Variants in GALNT16 observed in about 807,000 individuals in gnomAD.
GALNT16 encodes the protein polypeptide N-acetylgalactosaminyltransferase 16.
Under a neutral mutation model 76.1 loss-of-function variants are expected in GALNT16, and 40 were observed. That is an observed-to-expected ratio of 0.53 (90% CI 0.41 to 0.68). The LOEUF is 0.68. Among genes scored for constraint, GALNT16 ranks in the 30% least tolerant of loss-of-function variants. GALNT16 has a pLI of 0.00. For synonymous variants in GALNT16, 276 were observed against 285.2 expected (o/e 0.97, Z 0.32); for missense variants, 621 against 731.9 (o/e 0.85, Z 1.75).
At chr14:69,294,145 C>T (rs1321569845) in intron 1 of GALNT16, among the ~76,000 whole-genome samples, 1 of 151,842 alleles carries the variant, frequency 6.6e-6, no homozygotes, top group African/African-American at 2.4e-5. Flanking sequence ...GCCTTGGCCT[C>T]CCATCTCGCT....
intron 6 of GALNT16, among the ~76,000 whole-genome samples, chr14:69,331,188 A>G (rs1047978697): frequency 6.6e-6 from 1 of 152,230 alleles, no homozygotes; most frequent in South Asian, 2.1e-4. Flanking sequence ...GGAAGGCTTC[A>G]TGGAGTAGGT....
chr14:69,285,221 T>C (rs963890165), intron 1 of GALNT16, among the ~76,000 whole-genome samples: 3 of 152,060 alleles, frequency 2.0e-5, no homozygotes, highest in African/African-American at 7.2e-5. Context: ...TTTGTATTTT[T>C]AGTAGAGACG....
At chr14:69,312,312 A>G (rs189002471) in intron 1 of GALNT16, among the ~76,000 whole-genome samples, 1 of 152,270 alleles carries the variant, frequency 6.6e-6, no homozygotes, top group African/African-American at 2.4e-5. Flanking sequence ...CTGACTGTGA[A>G]ATACCTGAAG....
intron 1 of GALNT16, among the ~76,000 whole-genome samples, chr14:69,284,471 G>A (rs74059940): frequency 1.5e-3 from 235 of 152,302 alleles, no homozygotes; most frequent in African/African-American, 4.1e-3. Flanking sequence ...GCTTTTACAC[G>A]TGGCTGCTCA....
chr14:69,260,856 C>T (rs138063085), intron 1 of GALNT16, among the ~76,000 whole-genome samples: 2,579 of 152,096 alleles, frequency 0.017, 78 homozygotes, highest in African/African-American at 0.06. Context: ...CGGTGGGAAC[C>T]ACTCGCAGCC....
chr14:69,380,742 T>C, the GALNT16 span: 4 of 632,446 alleles, frequency 6.3e-6, no homozygotes, highest in Non-Finnish European at 1.1e-5. Flanking sequence ...GATGTGCACA[T>C]TTCCAAAAAT....
intron 1 of GALNT16, among the ~76,000 whole-genome samples, chr14:69,269,840 G>A (rs79805373): frequency 0.13 from 20,407 of 151,370 alleles, 2,447 homozygotes; most frequent in African/African-American, 0.33. Context: ...TGTATGTGTC[G>A]GGGGTGTAGT....
intron 1 of GALNT16, among the ~76,000 whole-genome samples, chr14:69,315,322 C>T (rs536540821): frequency 7.2e-5 from 11 of 152,318 alleles, no homozygotes; most frequent in Admixed American, 5.2e-4. Context: ...CTATTGGACA[C>T]GGAAGTGCTG....
At chr14:69,285,258 T>A (rs908100798) in intron 1 of GALNT16, among the ~76,000 whole-genome samples, 1 of 152,052 alleles carries the variant, frequency 6.6e-6, no homozygotes, top group African/African-American at 2.4e-5. Context: ...GCCAGGATGG[T>A]CTCGATCTCC....
chr14:69,303,345 C>T (rs758566011), intron 1 of GALNT16, among the ~76,000 whole-genome samples: 9 of 152,088 alleles, frequency 5.9e-5, no homozygotes, highest in Non-Finnish European at 1.2e-4. Flanking sequence ...ATAGCATCTG[C>T]TGCTTGGGGT....
intron 1 of GALNT16, among the ~76,000 whole-genome samples, chr14:69,265,707 C>G (rs1275237655): frequency 6.6e-6 from 1 of 152,182 alleles, no homozygotes; most frequent in East Asian, 1.9e-4. Flanking sequence ...GCAGAGGAGC[C>G]GAGCTTTCAG....
intron 1 of GALNT16, among the ~76,000 whole-genome samples, chr14:69,280,068 A>G (rs1233822918): frequency 6.6e-6 from 1 of 152,246 alleles, no homozygotes; most frequent in African/African-American, 2.4e-5. Context: ...CATCTTAACC[A>G]TTTTTAAATG....
chr14:69,310,288 G>GT (rs139496557), intron 1 of GALNT16, among the ~76,000 whole-genome samples: 23,427 of 150,886 alleles, frequency 0.16, 2,618 homozygotes, highest in East Asian at 0.43. Flanking sequence ...CTGGTAGGTA[G>GT]TTTTTTTTTC....
intron 1 of GALNT16, among the ~76,000 whole-genome samples, chr14:69,310,514 G>A (rs1213199303): frequency 6.6e-6 from 1 of 152,120 alleles, no homozygotes; most frequent in Non-Finnish European, 1.5e-5. Context: ...GGGAAACATG[G>A]ACAAATATAC....
At chr14:69,275,004 G>A (rs909066178) in intron 1 of GALNT16, among the ~76,000 whole-genome samples, 28 of 152,166 alleles carry the variant, frequency 1.8e-4, no homozygotes, top group African/African-American at 6.8e-4. Context: ...GCTTACAAGG[G>A]GAAAACAGAT....
At chr14:69,344,632 C>G (rs1275296745) in intron 12 of GALNT16, among the ~76,000 whole-genome samples, 1 of 152,202 alleles carries the variant, frequency 6.6e-6, no homozygotes, top group East Asian at 1.9e-4. Flanking sequence ...TGCATCTGAT[C>G]TTGAGATTGC....
At chr14:69,293,872 A>G (rs2044718273) in intron 1 of GALNT16, among the ~76,000 whole-genome samples, 2 of 152,010 alleles carry the variant, frequency 1.3e-5, no homozygotes, top group African/African-American at 2.4e-5. Flanking sequence ...TTTTCACCCA[A>G]TGAGGCCAAT....
chr14:69,312,510 A>G (rs897327), intron 1 of GALNT16, among the ~76,000 whole-genome samples: 114,722 of 151,972 alleles, frequency 0.75, 44,206 homozygotes, highest in East Asian at 1. Flanking sequence ...AGGTTGTTTG[A>G]GGGACTGGTA....
At chr14:69,368,218 T>TAC in the GALNT16 span, among the ~76,000 whole-genome samples, 1 of 152,142 alleles carries the variant, frequency 6.6e-6, no homozygotes, top group East Asian at 1.9e-4. Flanking sequence ...TATTATAGAC[T>TAC]CTATTAGCTA....
Sources: allele counts gnomAD v4.1 joint callset (sites outside exome capture counted in the v4.1 genomes callset), GRCh38; gene constraint gnomAD v4.1.1; transcripts MANE v1.5; gene names NCBI Gene and HGNC (gene_info 2026-07-23, HGNC 2026-07-21).